The following TYW1 variants were observed in gnomAD, a reference collection of about 807,000 sequenced individuals.
The protein encoded by TYW1 is tRNA-yW synthesizing protein 1 homolog, also known as S-adenosyl-L-methionine-dependent tRNA 4-demethylwyosine synthase TYW1.
A neutral mutation model predicts 96.2 loss-of-function variants in TYW1; 46 were observed. That is an observed-to-expected ratio of 0.48 (90% CI 0.38 to 0.61). The LOEUF is 0.61. Ranked by LOEUF, TYW1 falls within the 20% of genes least tolerant of loss-of-function variation. The pLI is 0.00. For missense variants in TYW1, 684 were observed against 909.6 expected (o/e 0.75, Z 3.19); for synonymous variants, 274 against 323.0 (o/e 0.85, Z 1.63).
chr7:67,083,305 G>T, intron 10 of TYW1, 125 bp from the exon 11 acceptor site: 1 of 860,826 alleles, frequency 1.2e-6, no homozygotes, highest in Non-Finnish European at 1.8e-6. Flanking sequence ...ACTATACATG[G>T]TTGAACTCTT....
At chr7:67,171,578 A>T (rs1392273941) in intron 13 of TYW1, among the ~76,000 whole-genome samples, 1 of 152,126 alleles carries the variant, frequency 6.6e-6, no homozygotes, top group Non-Finnish European at 1.5e-5. Flanking sequence ...ATGTGTACAA[A>T]TGTTCCATTG....
intron 5 of TYW1, among the ~76,000 whole-genome samples, chr7:67,017,006 A>G (rs374377044): frequency 7.6e-6 from 1 of 131,422 alleles, no homozygotes; most frequent in Admixed American, 8.4e-5. Flanking sequence ...TTTTTTTGAG[A>G]CAGAGTCACT....
At chr7:67,174,135 C>A (rs1048087988) in intron 13 of TYW1, among the ~76,000 whole-genome samples, 3 of 150,120 alleles carry the variant, frequency 2.0e-5, no homozygotes, top group Non-Finnish European at 4.4e-5. Context: ...CACATTAGGA[C>A]CCCCTTCCCC....
intron 15 of TYW1, among the ~76,000 whole-genome samples, chr7:67,224,808 GCCATAA>G (rs1345163625): frequency 2.0e-5 from 3 of 152,178 alleles, no homozygotes; most frequent in Non-Finnish European, 2.9e-5. Flanking sequence ...CACTATACAT[GCCATAA>G]CTCATTTAAT....
rs35164931 is a variant in TYW1 at position 67,198,550 on chromosome 7, C to CA, written c.1977+3226dup. Among the ~76,000 whole-genome samples the CA allele has an allele frequency of 7.3e-4, 98 of 133,688 alleles. No individual in the cohort carries two copies. The East Asian group carries it at 8.3e-3, about 11-fold the overall frequency. The allele number at this position is 133,688 out of a possible 152,430, so 87.7% of individuals were successfully genotyped here. A position where few individuals can be genotyped will look rare whatever the true frequency, so the allele number is the denominator to read the frequency against. ...TGGGCGACAGGGTGAGACTCCATCT[C>CA]AAAAAAAAAAAAAGAAGATATAAAG... On this transcript the variant is annotated intron_variant, in intron 15 of 15. Coordinates refer to ENST00000359626, the MANE Select transcript of TYW1 (RefSeq NM_018264.4).
intron 15 of TYW1, among the ~76,000 whole-genome samples, chr7:67,238,001 A>G (rs1342608950): frequency 6.6e-6 from 1 of 152,108 alleles, no homozygotes; most frequent in African/African-American, 2.4e-5. Flanking sequence ...TGAATTAGTC[A>G]CATGGTAACA....
chr7:67,140,941 G>C (rs1054829363), intron 13 of TYW1, among the ~76,000 whole-genome samples: 1 of 152,132 alleles, frequency 6.6e-6, no homozygotes, highest in African/African-American at 2.4e-5. Flanking sequence ...GAGACCTTTG[G>C]CTGTATTCTT....
rs914972128 is a variant in TYW1, at chr7:67,238,614, G to A, written c.*85G>A. On this transcript the variant is annotated 3_prime_UTR_variant, in exon 16 of 16. Transcript: ENST00000359626. ...AACACCACTGTGATTCTCCAAGGAC[G>A]AATTACGTAAATTATACTTTCATAC... 3.9e-5 allele frequency: 60 copies of A among 1,544,696 alleles called. No individual in the cohort carries two copies. The highest frequency in any genetic ancestry group is 5.0e-5 in the Non-Finnish European group (57 of 1,146,188).
At chr7:67,021,800 G>GA in intron 6 of TYW1, among the ~76,000 whole-genome samples, 1 of 152,294 alleles carries the variant, frequency 6.6e-6, no homozygotes, top group South Asian at 2.1e-4. Flanking sequence ...GTTCCTTTTG[G>GA]AAAAAGTAAA....
At chr7:67,040,339 T>C (rs556314390) in intron 7 of TYW1, among the ~76,000 whole-genome samples, 1 of 152,192 alleles carries the variant, frequency 6.6e-6, no homozygotes, top group African/African-American at 2.4e-5. Context: ...TTAACACTGG[T>C]CTGAGACCTT....
At chr7:67,237,662 A>G (rs1410081590) in intron 15 of TYW1, among the ~76,000 whole-genome samples, 3 of 152,076 alleles carry the variant, frequency 2.0e-5, no homozygotes, top group African/African-American at 7.3e-5. Flanking sequence ...AGCCTCTTCA[A>G]CTTTCTTTCT....
chr7:67,176,774 T>C (rs1270267501), intron 13 of TYW1, among the ~76,000 whole-genome samples: 3 of 152,132 alleles, frequency 2.0e-5, no homozygotes, highest in Admixed American at 6.5e-5. Context: ...GAGAACTTGC[T>C]CCACTGTAGG....
chr7:67,204,965 T>C (rs1800734332), intron 15 of TYW1, among the ~76,000 whole-genome samples: 1 of 152,098 alleles, frequency 6.6e-6, no homozygotes, highest in South Asian at 2.1e-4. Context: ...CTTAATCAGA[T>C]AATACCAACG....
chr7:67,016,788 A>G (rs2129242550), intron 5 of TYW1, among the ~76,000 whole-genome samples: 1 of 151,962 alleles, frequency 6.6e-6, no homozygotes, highest in South Asian at 2.1e-4. Flanking sequence ...CCACACATCC[A>G]GCTAGTTTTT....
At chr7:67,199,500 A>C (rs536213726) in intron 15 of TYW1, among the ~76,000 whole-genome samples, 1 of 152,342 alleles carries the variant, frequency 6.6e-6, no homozygotes, top group East Asian at 1.9e-4. Context: ...CCATTGACTT[A>C]GCACTTATTG....
Position 67,130,488 on chromosome 7 carries a change from A to G in TYW1, c.1698+12870A>G, listed in dbSNP as rs558163594. On this transcript the variant is annotated intron_variant, in intron 13 of 15. Coordinates refer to ENST00000359626, the MANE Select transcript of TYW1 (RefSeq NM_018264.4). The stretch of plus-strand genomic sequence containing the variant: ...GGAGGTCGAGACCATCCTGGCTAAC[A>G]TGGTGAAACCCCGTCTCTACTAAAA... Among the ~76,000 whole-genome samples the G allele has an allele frequency of 5.9e-5, 9 of 151,888 alleles. No homozygotes were observed. In the South Asian group the frequency reaches 1.7e-3, roughly 28 times the overall value.
intron 15 of TYW1, among the ~76,000 whole-genome samples, chr7:67,235,965 ATGT>A (rs111722355): frequency 0.081 from 12,289 of 151,182 alleles, 572 homozygotes; most frequent in South Asian, 0.1. Flanking sequence ...GTGATGGCAT[ATGT>A]TGTTAAGTTC....
In TYW1 at chr7:67,067,675, C is replaced by T. The variant is rs145985563; in HGVS notation, c.1274+272C>T. 9.5e-3 allele frequency among the ~76,000 whole-genome samples: 1,447 copies of T among 152,244 alleles called. 25 individuals carry two copies. The highest frequency in any genetic ancestry group is 0.033 in the African/African-American group (1,361 of 41,542). ...AGTTTGTCTTATTTATAGTGATTAT[C>T]GATAAATAGTGATACATTAGTGATA... On this transcript the variant is annotated intron_variant, in intron 10 of 15. Coordinates refer to ENST00000359626, the MANE Select transcript of TYW1 (RefSeq NM_018264.4).
chr7:67,073,693 G>A (rs1300979986), intron 10 of TYW1, among the ~76,000 whole-genome samples: 2 of 133,196 alleles, frequency 1.5e-5, no homozygotes, highest in African/African-American at 5.7e-5. Context: ...AGAACTGCTT[G>A]AACCCAGGAG....
Sources: gnomAD v4.1 joint callset for allele counts (sites outside exome capture counted in the v4.1 genomes callset) on GRCh38, gnomAD v4.1.1 for gene constraint, MANE v1.5 for transcripts, NCBI Gene and HGNC (gene_info 2026-07-23, HGNC 2026-07-21) for gene names.